The following CNTLN variants were observed in gnomAD, a reference collection of about 807,000 sequenced individuals.
CNTLN encodes the protein centlein, centrosomal protein.
Under a neutral mutation model 180.0 loss-of-function variants are expected in CNTLN, and 212 were observed. The observed-to-expected ratio is 1.18, with a 90% CI of 1.05 to 1.32. CNTLN has a LOEUF of 1.32. Ranked by LOEUF, CNTLN falls within the 40% of genes most tolerant of loss-of-function variation. The pLI is 0.00. For synonymous variants in CNTLN, 722 were observed against 563.1 expected (o/e 1.28, Z -3.99); for missense variants, 2,095 against 1,610.9 (o/e 1.30, Z -5.14).
intron 23 of CNTLN, among the ~76,000 whole-genome samples, chr9:17,469,986 A>G (rs1259255862): frequency 1.3e-5 from 2 of 151,944 alleles, no homozygotes; most frequent in Non-Finnish European, 2.9e-5. Context: ...GCTAATTGCT[A>G]TCTCAATATC....
At chr9:17,468,110 G>A (rs1472177111) in intron 23 of CNTLN, among the ~76,000 whole-genome samples, 2 of 151,424 alleles carry the variant, frequency 1.3e-5, no homozygotes, top group African/African-American at 4.8e-5. Flanking sequence ...TGGAGCTGGA[G>A]GCCATTATCC....
At chr9:17,419,113 T>G (rs963735108) in intron 18 of CNTLN, among the ~76,000 whole-genome samples, 9 of 152,204 alleles carry the variant, frequency 5.9e-5, no homozygotes, top group Middle Eastern at 3.4e-3. Flanking sequence ...AACTGTATTT[T>G]TTTGTTTGTT....
chr9:17,427,493 AG>A (rs1050058536), intron 18 of CNTLN, among the ~76,000 whole-genome samples: 7 of 152,122 alleles, frequency 4.6e-5, no homozygotes, highest in African/African-American at 1.7e-4. Context: ...TAAAGAGTAC[AG>A]TGGGTGTATT....
rs1335230015 is a variant in CNTLN at position 17,235,844 on chromosome 9, T to C, written c.669+52T>C. On this transcript the variant is annotated intron_variant, in intron 4 of 25. Transcript: ENST00000380647. ...GGGACTGTTGCTTTGAAGTTCTGCT[T>C]TAAGCTTTGTTAGCCTTTGTGGCAC... 9 of 1,541,558 alleles carry C rather than the reference T, an allele frequency of 5.8e-6. No individual in the cohort carries two copies. In the East Asian group the frequency reaches 1.9e-4, roughly 32 times the overall value.
At chr9:17,145,711 C>CA (rs1818409710) in intron 2 of CNTLN, among the ~76,000 whole-genome samples, 2 of 152,168 alleles carry the variant, frequency 1.3e-5, no homozygotes, top group African/African-American at 4.8e-5. Context: ...TAAACCTACT[C>CA]ACGTTTGTCA....
intron 6 of CNTLN, among the ~76,000 whole-genome samples, chr9:17,276,734 A>G (rs892353463): frequency 1.3e-5 from 2 of 152,160 alleles, no homozygotes; most frequent in African/African-American, 4.8e-5. Context: ...GTATTTGCAC[A>G]TAACTTATGT....
chr9:17,514,793 T>C, the CNTLN span, among the ~76,000 whole-genome samples: 6 of 152,208 alleles, frequency 3.9e-5, no homozygotes, highest in Admixed American at 3.9e-4. Flanking sequence ...TTGTTTGGCA[T>C]ACAGAATTAT....
chr9:17,187,253 A>T (rs1821487894), intron 2 of CNTLN, among the ~76,000 whole-genome samples: 1 of 152,080 alleles, frequency 6.6e-6, no homozygotes, highest in Admixed American at 6.5e-5. Context: ...TTTCTGTGTT[A>T]ATAGGAGCTA....
chr9:17,246,266 G>A (rs541969192), intron 5 of CNTLN, among the ~76,000 whole-genome samples: 15 of 152,268 alleles, frequency 9.9e-5, no homozygotes, highest in Admixed American at 7.9e-4. Flanking sequence ...AGAGGGCACC[G>A]TAAGCCCCGT....
At chr9:17,385,407 C>A (rs544984380) in intron 13 of CNTLN, among the ~76,000 whole-genome samples, 1 of 152,316 alleles carries the variant, frequency 6.6e-6, no homozygotes, top group African/African-American at 2.4e-5. Flanking sequence ...GTTGCCTCCT[C>A]TTGCAGCCAG....
At chr9:17,221,427 G>C (rs540791435) in intron 2 of CNTLN, among the ~76,000 whole-genome samples, 1 of 152,158 alleles carries the variant, frequency 6.6e-6, no homozygotes, top group East Asian at 1.9e-4. Context: ...AGGCCTAGTT[G>C]TACATAATGG....
intron 12 of CNTLN, among the ~76,000 whole-genome samples, chr9:17,360,352 G>A (rs1236788006): frequency 6.6e-6 from 1 of 152,186 alleles, no homozygotes; most frequent in Non-Finnish European, 1.5e-5. Flanking sequence ...GCATGGGTAA[G>A]TGGGAATTTA....
chr9:17,467,363 G>A (rs1831810311), intron 23 of CNTLN, among the ~76,000 whole-genome samples: 2 of 151,548 alleles, frequency 1.3e-5, no homozygotes, highest in South Asian at 4.1e-4. Context: ...AGTATCTGCA[G>A]AGGTGTACCA....
At chr9:17,347,875 A>T (rs1026233400) in intron 12 of CNTLN, among the ~76,000 whole-genome samples, 1 of 152,050 alleles carries the variant, frequency 6.6e-6, no homozygotes. Context: ...TCTGTCGCTC[A>T]GGCTGGAGTG....
In CNTLN at chr9:17,394,721, A is replaced by G; in HGVS notation, c.2267A>G (p.Glu756Gly). The part of the protein sequence containing the change: ...IIKGSKDVEK[E>G]NTELQVKISE... ...AAGGGGAGTAAAGATGTAGAAAAAG[A>G]AAATACTGAACTTCAAGTAAAAATC... is the stretch of plus-strand genomic sequence containing the variant. Residue 756 changes from glutamate (E) to glycine (G), a missense_variant, in exon 15 of 26, where the codon GAA (glutamate) becomes GGA (glycine). Coordinates refer to ENST00000380647, the MANE Select transcript of CNTLN (RefSeq NM_017738.4). 3 of 1,614,094 alleles carry G rather than the reference A, an allele frequency of 1.9e-6. No individual in the cohort carries two copies.
intron 18 of CNTLN, among the ~76,000 whole-genome samples, chr9:17,420,076 G>A (rs143507768): frequency 0.012 from 1,758 of 152,102 alleles, 14 homozygotes; most frequent in Middle Eastern, 0.037. Context: ...CACCACGCCT[G>A]GCTAACTTTT....
intron 8 of CNTLN, among the ~76,000 whole-genome samples, chr9:17,314,914 T>A (rs890433228): frequency 2.4e-4 from 37 of 152,254 alleles, no homozygotes; most frequent in African/African-American, 6.0e-4. Flanking sequence ...ACTGATTTTT[T>A]AAATCATTTT....
At chr9:17,373,230 T>C (rs1290894809) in intron 13 of CNTLN, among the ~76,000 whole-genome samples, 2 of 152,024 alleles carry the variant, frequency 1.3e-5, no homozygotes, top group African/African-American at 2.4e-5. Flanking sequence ...TGGAAAAACT[T>C]AAGAGTCCAT....
intron 10 of CNTLN, among the ~76,000 whole-genome samples, chr9:17,336,238 C>T (rs1055216625): frequency 1.3e-5 from 2 of 152,020 alleles, no homozygotes; most frequent in African/African-American, 2.4e-5. Context: ...TACAGTTAAC[C>T]TGTGTTTGTT....
Sources: allele counts gnomAD v4.1 joint callset (sites outside exome capture counted in the v4.1 genomes callset), GRCh38; gene constraint gnomAD v4.1.1; transcripts MANE v1.5; gene names NCBI Gene and HGNC (gene_info 2026-07-23, HGNC 2026-07-21).